H2BC7: variants seen among roughly 807,000 people sequenced by gnomAD.
The protein encoded by H2BC7 is histone H2B type 1-C/E/F/G/I.
H2BC7 carries 15 observed loss-of-function variants against 6.0 expected under a neutral mutation model. That is an observed-to-expected ratio of 2.48 (90% CI 1.66 to 3.82). H2BC7 has a LOEUF of 3.82. Ranked by LOEUF, H2BC7 falls within the 30% of genes most tolerant of loss-of-function variation. H2BC7 has a pLI of 0.00. For missense variants in H2BC7, 227 were observed against 169.4 expected (o/e 1.34, Z -1.89); for synonymous variants, 148 against 70.7 (o/e 2.09, Z -5.49).
rs778655284 is a variant in H2BC7, at chr6:26,199,632, A to G, written c.74A>G (p.Lys25Arg). 1.2e-6 allele frequency: 2 copies of G among 1,614,272 alleles called. No individual in the cohort carries two copies. Among genetic ancestry groups the G allele is most frequent in the Non-Finnish European group, 1.7e-6 (2 of 1,180,052 alleles). Reference protein sequence around the residue: ...SKKAVTKAQKKDGKKRKRSRK... With the variant: ...SKKAVTKAQKRDGKKRKRSRK... ...AAGGCGGTGACCAAGGCGCAGAAGA[A>G]GGATGGTAAGAAGCGCAAGCGTAGC... Residue 25 changes from lysine (K) to arginine (R), a missense_variant, in exon 1 of 1, where the codon AAG (lysine) becomes AGG (arginine). Coordinates refer to ENST00000356530, the MANE Select transcript of H2BC7 (RefSeq NM_003522.4).
In H2BC7 at chr6:26,199,572, C is replaced by A. The variant is rs1248058738; in HGVS notation, c.14C>A (p.Ala5Asp). The A allele has an allele frequency of 6.2e-7, 1 of 1,613,928 alleles. No homozygotes were observed. Among genetic ancestry groups the A allele is most frequent in the Non-Finnish European group, 8.5e-7 (1 of 1,180,024 alleles). The change falls in exon 1 of 1, where the codon GCT (alanine) becomes GAT (aspartate). Residue 5 changes from alanine (A) to aspartate (D), a missense_variant. Transcript: ENST00000356530. Reference protein sequence around the residue: MPEPAKSAPAPKKGS... With the variant: MPEPDKSAPAPKKGS... ...TGTTTATTTATCATGCCTGAACCTG[C>A]TAAGTCCGCTCCTGCTCCAAAAAAG...
In H2BC7 at chr6:26,199,547, T is replaced by C. The variant is rs200760860; in HGVS notation, c.-12T>C. The C allele has an allele frequency of 1.0e-4, 161 of 1,609,484 alleles. No individual in the cohort carries two copies. Among genetic ancestry groups the C allele is most frequent in the Middle Eastern group, 5.0e-4 (3 of 6,036 alleles). Reference sequence around the variant, plus strand: ...ATTTCTCTTTAGGTTGTGGACGAAGTGTTTATTTATCATGCCTGAACCTGC... The same window carrying C: ...ATTTCTCTTTAGGTTGTGGACGAAGCGTTTATTTATCATGCCTGAACCTGC... On this transcript the variant is annotated 5_prime_UTR_variant, in exon 1 of 1. Coordinates refer to ENST00000356530, the MANE Select transcript of H2BC7 (RefSeq NM_003522.4).
At position 26,199,942 on chromosome 6, in the gene H2BC7, C is replaced by G. The variant is rs777748911; in HGVS notation, c.*3C>G. On this transcript the variant is annotated 3_prime_UTR_variant, in exon 1 of 1. Transcript: ENST00000356530. Reference sequence around the variant, plus strand: ...CCAAGTACACCAGCTCTAAGTAATTCTAACGTCTTCATACCCAATCCCAAA... The same window carrying G: ...CCAAGTACACCAGCTCTAAGTAATTGTAACGTCTTCATACCCAATCCCAAA... 5 of 1,614,034 alleles carry G rather than the reference C, an allele frequency of 3.1e-6. No individual in the cohort carries two copies. The highest frequency in any genetic ancestry group is 1.7e-5 in the Admixed American group (1 of 59,976).
At position 26,199,939 on chromosome 6, in the gene H2BC7, A is replaced by G. The variant is rs1285393950; in HGVS notation, c.381A>G (p.Ter127=). 1.2e-6 allele frequency: 2 copies of G among 1,614,150 alleles called. No homozygotes were observed. Among genetic ancestry groups the G allele is most frequent in the South Asian group, 1.1e-5 (1 of 91,086 alleles). The change falls in exon 1 of 1, where the codon TAA becomes TAG. Residue 127 remains the stop codon, a stop_retained_variant. Coordinates refer to ENST00000356530, the MANE Select transcript of H2BC7 (RefSeq NM_003522.4). The stretch of plus-strand genomic sequence containing the variant: ...TCACCAAGTACACCAGCTCTAAGTA[A>G]TTCTAACGTCTTCATACCCAATCCC... The part of the protein sequence containing the change: ...KAVTKYTSSK[*]
chr6:26,199,649 A>T lies in H2BC7; in HGVS notation c.91A>T (p.Lys31Ter), dbSNP rs1198019935. 6.2e-7 allele frequency: 1 copy of T among 1,614,264 alleles called. No individual in the cohort carries two copies. The highest frequency in any genetic ancestry group is 8.5e-7 in the Non-Finnish European group (1 of 1,180,044). ...GCAGAAGAAGGATGGTAAGAAGCGC[A>T]AGCGTAGCCGCAAGGAGAGCTATTC... ...KAQKKDGKKR[K>*]RSRKESYSVY... is the part of the protein sequence containing the mutation. Residue 31 changes from lysine (K) to a stop codon, truncating the protein, a stop_gained, in exon 1 of 1, where the codon AAG becomes TAG. Coordinates refer to ENST00000356530, the MANE Select transcript of H2BC7 (RefSeq NM_003522.4). LOFTEE classifies it high-confidence loss of function.
In H2BC7 at chr6:26,199,652, C is replaced by A; in HGVS notation, c.94C>A (p.Arg32Ser). The change falls in exon 1 of 1, where the codon CGT becomes AGT. Residue 32 changes from arginine (R) to serine (S), a missense_variant. Transcript: ENST00000356530. ...GAAGAAGGATGGTAAGAAGCGCAAG[C>A]GTAGCCGCAAGGAGAGCTATTCCGT... ...AQKKDGKKRK[R>S]SRKESYSVYV... 6.2e-7 allele frequency: 1 copy of A among 1,614,238 alleles called. No individual in the cohort carries two copies. Among genetic ancestry groups the A allele is most frequent in the Non-Finnish European group, 8.5e-7 (1 of 1,180,038 alleles).
rs1262145085 is a variant in H2BC7 at position 26,199,676 on chromosome 6, G to C, written c.118G>C (p.Val40Leu). The C allele has an allele frequency of 2.5e-6, 4 of 1,614,124 alleles. No individual in the cohort carries two copies. Among genetic ancestry groups the C allele is most frequent in the East Asian group, 2.2e-5 (1 of 44,894 alleles). ...GCGTAGCCGCAAGGAGAGCTATTCC[G>C]TGTACGTGTACAAGGTGCTAAAGCA... ...RKRSRKESYS[V>L]YVYKVLKQVH... The change falls in exon 1 of 1, where the codon GTG (valine) becomes CTG (leucine). Residue 40 changes from valine (V) to leucine (L), a missense_variant. Physicochemically the swap from Val to Leu is conservative, Grantham distance 32. Transcript: ENST00000356530.
rs1328257191 is a variant in H2BC7 at position 26,199,982 on chromosome 6, C to T, written c.*43C>T. The T allele has an allele frequency of 1.9e-6, 3 of 1,603,162 alleles. No individual in the cohort carries two copies. The highest frequency in any genetic ancestry group is 1.3e-5 in the African/African-American group (1 of 74,242). On this transcript the variant is annotated 3_prime_UTR_variant, in exon 1 of 1. Transcript: ENST00000356530. The stretch of plus-strand genomic sequence containing the variant: ...CCAATCCCAAAGGCTCTTTTAAGAG[C>T]CACCCACTTTTTCAGCTATAGAGTT...
rs371545300 is a variant in H2BC7 at position 26,199,891 on chromosome 6, C to T, written c.333C>T (p.Ala111=). The change falls in exon 1 of 1, where the codon GCC becomes GCT. Residue 111 remains alanine, a synonymous_variant. Coordinates refer to ENST00000356530, the MANE Select transcript of H2BC7 (RefSeq NM_003522.4). The part of the protein sequence containing the change: ...LLLPGELAKH[A]VSEGTKAVTK... ...TGCCCGGGGAGCTGGCTAAGCACGC[C>T]GTGTCAGAGGGCACCAAGGCCGTCA... The T allele has an allele frequency of 6.2e-6, 10 of 1,614,234 alleles. No individual in the cohort carries two copies. The East Asian group carries it at 8.9e-5, about 14-fold the overall frequency.
chr6:26,199,569 C>T lies in H2BC7; in HGVS notation c.11C>T (p.Pro4Leu), dbSNP rs750651221. Residue 4 changes from proline (P) to leucine (L), a missense_variant, in exon 1 of 1, where the codon CCT becomes CTT. Pro to Leu is a moderately conservative substitution (Grantham distance 98, BLOSUM62 -3). Coordinates refer to ENST00000356530, the MANE Select transcript of H2BC7 (RefSeq NM_003522.4). Reference protein sequence around the residue: MPEPAKSAPAPKKG... With the variant: MPELAKSAPAPKKG... ...AAGTGTTTATTTATCATGCCTGAAC[C>T]TGCTAAGTCCGCTCCTGCTCCAAAA... 5.6e-6 allele frequency: 9 copies of T among 1,613,764 alleles called. No homozygotes were observed. The highest frequency in any genetic ancestry group is 5.3e-5 in the African/African-American group (4 of 74,852).
Position 26,199,936 on chromosome 6 carries a change from G to GT in H2BC7, c.379dup (p.Ter127LeufsTer?). 6.2e-7 allele frequency: 1 copy of GT among 1,614,212 alleles called. No individual in the cohort carries two copies. Among genetic ancestry groups the GT allele is most frequent in the Non-Finnish European group, 8.5e-7 (1 of 1,180,038 alleles). On this transcript the variant is annotated frameshift_variant, in exon 1 of 1. Coordinates refer to ENST00000356530, the MANE Select transcript of H2BC7 (RefSeq NM_003522.4). LOFTEE classifies it high-confidence loss of function. ...CCGTCACCAAGTACACCAGCTCTAA[G>GT]TAATTCTAACGTCTTCATACCCAAT...
chr6:26,199,764 A>G lies in H2BC7; in HGVS notation c.206A>G (p.Asp69Gly). 6.2e-7 allele frequency: 1 copy of G among 1,614,238 alleles called. No homozygotes were observed. The highest frequency in any genetic ancestry group is 8.5e-7 in the Non-Finnish European group (1 of 1,180,036). Residue 69 changes from aspartate to glycine, a missense_variant, in exon 1 of 1, where the codon GAT becomes GGT. Transcript: ENST00000356530. ...GGCATCATGAACTCCTTCGTCAACG[A>G]TATCTTCGAGCGCATCGCTGGCGAG... ...AMGIMNSFVN[D>G]IFERIAGEAS...
chr6:26,199,743 T>C lies in H2BC7; in HGVS notation c.185T>C (p.Ile62Thr). 6.2e-7 allele frequency: 1 copy of C among 1,614,246 alleles called. No individual in the cohort carries two copies. Among genetic ancestry groups the C allele is most frequent in the Non-Finnish European group, 8.5e-7 (1 of 1,180,040 alleles). ...GGCATCTCATCCAAGGCCATGGGCA[T>C]CATGAACTCCTTCGTCAACGATATC... ...DTGISSKAMG[I>T]MNSFVNDIFE... The change falls in exon 1 of 1, where the codon ATC becomes ACC. Residue 62 changes from isoleucine to threonine, a missense_variant. Ile to Thr is a moderately conservative substitution (Grantham distance 89). Transcript: ENST00000356530.
chr6:26,199,601 T>C lies in H2BC7; in HGVS notation c.43T>C (p.Ser15Pro), dbSNP rs761445884. The C allele has an allele frequency of 2.0e-5, 33 of 1,613,988 alleles. 1 individual carries two copies. The South Asian group carries it at 2.7e-4, about 13-fold the overall frequency. The change falls in exon 1 of 1, where the codon TCC (serine) becomes CCC (proline). Residue 15 changes from serine (S) to proline (P), a missense_variant. Ser to Pro is a moderately conservative substitution (Grantham distance 74, BLOSUM62 -1). Coordinates refer to ENST00000356530, the MANE Select transcript of H2BC7 (RefSeq NM_003522.4). ...AKSAPAPKKG[S>P]KKAVTKAQKK... is the part of the protein sequence containing the mutation. ...GTCCGCTCCTGCTCCAAAAAAGGGC[T>C]CCAAAAAGGCGGTGACCAAGGCGCA...
Position 26,199,596 on chromosome 6 carries a change from A to AGGGCTCCAAAAAG in H2BC7, c.40_52dup (p.Ala18GlyfsTer15). 6.2e-7 allele frequency: 1 copy of AGGGCTCCAAAAAG among 1,614,154 alleles called. No homozygotes were observed. The highest frequency in any genetic ancestry group is 8.5e-7 in the Non-Finnish European group (1 of 1,180,002). On this transcript the variant is annotated frameshift_variant, in exon 1 of 1. Coordinates refer to ENST00000356530, the MANE Select transcript of H2BC7 (RefSeq NM_003522.4). LOFTEE classifies it high-confidence loss of function. ...GCTAAGTCCGCTCCTGCTCCAAAAAAGGGCTCCAAAAAGGCGGTGACCAAG... is the reference window on the plus strand; with the variant it reads ...GCTAAGTCCGCTCCTGCTCCAAAAAAGGGCTCCAAAAAGGGGCTCCAAAAAGGCGGTGACCAAG...
rs374656318 is a variant in H2BC7, at chr6:26,199,798, C to T, written c.240C>T (p.Arg80=). 79 of 1,614,152 alleles carry T rather than the reference C, an allele frequency of 4.9e-5. 1 individual carries two copies. In the South Asian group the frequency reaches 6.4e-4, roughly 13 times the overall value. The change falls in exon 1 of 1, where the codon CGC becomes CGT. Residue 80 remains arginine, a synonymous_variant. Coordinates refer to ENST00000356530, the MANE Select transcript of H2BC7 (RefSeq NM_003522.4). ...AGCGCATCGCTGGCGAGGCTTCCCGCCTGGCGCATTACAACAAGCGCTCCA... is the reference window on the plus strand; with the variant it reads ...AGCGCATCGCTGGCGAGGCTTCCCGTCTGGCGCATTACAACAAGCGCTCCA... ...IFERIAGEAS[R]LAHYNKRSTI...
Position 26,199,882 on chromosome 6 carries a change from T to G in H2BC7, c.324T>G (p.Ala108=), listed in dbSNP as rs369121629. The G allele has an allele frequency of 3.1e-6, 5 of 1,614,124 alleles. No individual in the cohort carries two copies. The South Asian group carries it at 5.5e-5, about 18-fold the overall frequency. Residue 108 remains alanine (A), a synonymous_variant, in exon 1 of 1, where the codon GCT becomes GCG. Coordinates refer to ENST00000356530, the MANE Select transcript of H2BC7 (RefSeq NM_003522.4). Reference sequence around the variant, plus strand: ...GCCTGCTGCTGCCCGGGGAGCTGGCTAAGCACGCCGTGTCAGAGGGCACCA... The same window carrying G: ...GCCTGCTGCTGCCCGGGGAGCTGGCGAAGCACGCCGTGTCAGAGGGCACCA... ...AVRLLLPGEL[A]KHAVSEGTKA...
In H2BC7 at chr6:26,199,979, G is replaced by A. The variant is rs758244244; in HGVS notation, c.*40G>A. On this transcript the variant is annotated 3_prime_UTR_variant, in exon 1 of 1. Transcript: ENST00000356530. Reference sequence around the variant, plus strand: ...TACCCAATCCCAAAGGCTCTTTTAAGAGCCACCCACTTTTTCAGCTATAGA... The same window carrying A: ...TACCCAATCCCAAAGGCTCTTTTAAAAGCCACCCACTTTTTCAGCTATAGA... 1.7e-5 allele frequency: 28 copies of A among 1,604,398 alleles called. No individual in the cohort carries two copies. The highest frequency in any genetic ancestry group is 2.2e-5 in the Non-Finnish European group (26 of 1,176,366).
In H2BC7 at chr6:26,199,650, A is replaced by C. The variant is rs1434598628; in HGVS notation, c.92A>C (p.Lys31Thr). ...CAGAAGAAGGATGGTAAGAAGCGCA[A>C]GCGTAGCCGCAAGGAGAGCTATTCC... Reference protein sequence around the residue: ...KAQKKDGKKRKRSRKESYSVY... With the variant: ...KAQKKDGKKRTRSRKESYSVY... Residue 31 changes from lysine (K) to threonine (T), a missense_variant, in exon 1 of 1, where the codon AAG becomes ACG. By Grantham distance (78) the Lys-to-Thr change is moderately conservative. Coordinates refer to ENST00000356530, the MANE Select transcript of H2BC7 (RefSeq NM_003522.4). The C allele has an allele frequency of 6.2e-7, 1 of 1,614,146 alleles. No homozygotes were observed. The highest frequency in any genetic ancestry group is 1.3e-5 in the African/African-American group (1 of 74,950).
Sources: allele counts gnomAD v4.1 joint callset, GRCh38; gene constraint gnomAD v4.1.1; transcripts MANE v1.5; gene names NCBI Gene and HGNC (gene_info 2026-07-23, HGNC 2026-07-21).